CLTC: variants seen among roughly 807,000 people sequenced by gnomAD.
CLTC encodes clathrin heavy chain.
Under a neutral mutation model 195.8 loss-of-function variants are expected in CLTC, and 16 were observed. The ratio of observed to expected loss-of-function variants is 0.08; its 90% confidence interval spans 0.06 to 0.12. CLTC has a LOEUF of 0.12. CLTC is among the 10% of genes least tolerant of loss of function. The probability of loss-of-function intolerance (pLI) is 1.00; values close to 1 mark genes in which losing one functional copy is unlikely to be tolerated. For synonymous variants in CLTC, 667 were observed against 689.4 expected, an observed-to-expected ratio of 0.97 and a Z score of 0.51; for missense variants, 796 against 2,027.0, an observed-to-expected ratio of 0.39 and a Z score of 11.66.
Position 59,666,657 on chromosome 17 carries a change from CT to C in CLTC, c.1947+15del, listed in dbSNP as rs1436205388. 2.5e-6 allele frequency: 4 copies of C among 1,604,966 alleles called. No homozygotes were observed. The highest frequency in any genetic ancestry group is 3.4e-6 in the Non-Finnish European group (4 of 1,173,812). ...TCTTAACCCTGAGGTATTTCAGTTT[CT>C]TACCTAATAGATGGTGTTAGTTGTG... On this transcript the variant is annotated intron_variant, in intron 12 of 31. Transcript: ENST00000269122. This position sits in a 1 kb window ranked among gnomAD's most constrained non-coding sequence, Gnocchi z 4.9.
At chr17:59,637,393 C>G (rs1373227147) in intron 1 of CLTC, among the ~76,000 whole-genome samples, 1 of 151,102 alleles carries the variant, frequency 6.6e-6, no homozygotes, top group Admixed American at 6.6e-5. Flanking sequence ...TACAGGTGCC[C>G]GTCACCACAC....
chr17:59,683,360 T>C lies in CLTC; in HGVS notation c.4042-27T>C, dbSNP rs893971185. The C allele has an allele frequency of 5.0e-6, 8 of 1,605,342 alleles. No individual in the cohort carries two copies. The highest frequency in any genetic ancestry group is 6.8e-6 in the Non-Finnish European group (8 of 1,175,904). Reference sequence around the variant, plus strand: ...TAAGGCTGTTAGCTAGACTCATATCTAAAGCAATTAAGTCTTTCTTATGCA... The same window carrying C: ...TAAGGCTGTTAGCTAGACTCATATCCAAAGCAATTAAGTCTTTCTTATGCA... On this transcript the variant is annotated intron_variant, in intron 25 of 31. Transcript: ENST00000269122. This position sits in a 1 kb window ranked among gnomAD's most constrained non-coding sequence, Gnocchi z 6.1.
chr17:59,682,148 G>A lies in CLTC; in HGVS notation c.3443-123G>A, dbSNP rs1431505231. On this transcript the variant is annotated intron_variant, in intron 21 of 31. Coordinates refer to ENST00000269122, the MANE Select transcript of CLTC (RefSeq NM_004859.4). The surrounding 1 kb of genome is among the most constrained non-coding windows in gnomAD (Gnocchi z 6.8). ...ATAATACAGAAGTGAAATATTGCAC[G>A]GTTTACATTTGTCATTATCCATGTT... The A allele has an allele frequency of 8.9e-6, 8 of 902,528 alleles. No individual in the cohort carries two copies. The highest frequency in any genetic ancestry group is 1.3e-5 in the Non-Finnish European group (8 of 599,650). The allele number at this position is 902,528 out of a possible 1,614,324, so 55.9% of individuals were successfully genotyped here.
At chr17:59,677,686 T>C (rs1294181704) in intron 17 of CLTC, among the ~76,000 whole-genome samples, 6 of 152,216 alleles carry the variant, frequency 3.9e-5, no homozygotes, top group African/African-American at 1.4e-4. Flanking sequence ...TAGCAGTTTT[T>C]TCCCCTCTAG....
At chr17:59,644,840 C>T (rs1257780500) in intron 2 of CLTC, among the ~76,000 whole-genome samples, 1 of 152,164 alleles carries the variant, frequency 6.6e-6, no homozygotes, top group African/African-American at 2.4e-5. Flanking sequence ...CGTGAGCCAC[C>T]ACGCCCAGCC....
In CLTC at chr17:59,666,028, A is replaced by G. The variant is rs1188348593; in HGVS notation, c.1645-75A>G. ...CCAAATAAAATTCTCAGGTAAAGAA[A>G]GAGTTCATGCATAATTTTGTCTACA... On this transcript the variant is annotated intron_variant, in intron 10 of 31. Coordinates refer to ENST00000269122, the MANE Select transcript of CLTC (RefSeq NM_004859.4). This position sits in a 1 kb window ranked among gnomAD's most constrained non-coding sequence, Gnocchi z 4.9. 2 of 1,112,752 alleles carry G rather than the reference A, an allele frequency of 1.8e-6. No individual in the cohort carries two copies. Among genetic ancestry groups the G allele is most frequent in the Non-Finnish European group, 2.6e-6 (2 of 769,550 alleles). The allele number at this position is 1,112,752 out of a possible 1,614,324, so 68.9% of individuals were successfully genotyped here.
At chr17:59,623,365 C>T (rs1178978989) in intron 1 of CLTC, among the ~76,000 whole-genome samples, 1 of 152,180 alleles carries the variant, frequency 6.6e-6, no homozygotes, top group African/African-American at 2.4e-5. Context: ...CTGGGAATAG[C>T]TTCTAAGTTT....
intron 6 of CLTC, chr17:59,658,812 T>C (rs879492249): frequency 3.3e-5 from 5 of 152,156 alleles, no homozygotes; most frequent in Admixed American, 6.6e-5. Context: ...AAGGTAAGAT[T>C]TGAGTTAAGG....
intron 28 of CLTC, chr17:59,684,529 G>C (rs1468145641): frequency 1.3e-5 from 2 of 154,734 alleles, no homozygotes; most frequent in Non-Finnish European, 2.9e-5. Context: ...CTCCATGCCA[G>C]GCGTGGTGAC....
chr17:59,687,029 T>C (rs1176858066), intron 30 of CLTC: 6 of 987,866 alleles, frequency 6.1e-6, no homozygotes, highest in Non-Finnish European at 7.2e-6. Flanking sequence ...AAGGTGAAAG[T>C]TGATTCTTTA....
intron 1 of CLTC, among the ~76,000 whole-genome samples, chr17:59,643,813 A>T (rs927684314): frequency 1.3e-5 from 2 of 152,236 alleles, no homozygotes; most frequent in Non-Finnish European, 2.9e-5. Context: ...TGCTCTTGCT[A>T]TTCAAGTTCC....
At chr17:59,631,025 T>A (rs934814594) in intron 1 of CLTC, among the ~76,000 whole-genome samples, 1 of 152,212 alleles carries the variant, frequency 6.6e-6, no homozygotes, top group African/African-American at 2.4e-5. Context: ...CCACTAGAAA[T>A]ATATGAGAGT....
At position 59,655,910 on chromosome 17, in the gene CLTC, C is replaced by T; in HGVS notation, c.852C>T (p.Leu284=). ...FLITKYGYIH[L]YDLETGTCIY... ...TAACCAAGTATGGTTATATCCACCT[C>T]TATGATCTTGAGACTGGTACCTGCA... Residue 284 remains leucine (L), a synonymous_variant, in exon 6 of 32, where the codon CTC becomes CTT. Transcript: ENST00000269122. 6.2e-7 allele frequency: 1 copy of T among 1,611,492 alleles called. No homozygotes were observed. Among genetic ancestry groups the T allele is most frequent in the Non-Finnish European group, 8.5e-7 (1 of 1,179,252 alleles).
rs781369786 is a variant in CLTC, at chr17:59,647,483, A to G, written c.336A>G (p.Lys112=). The change falls in exon 3 of 32, where the codon AAA becomes AAG. Residue 112 remains lysine, a synonymous_variant. Coordinates refer to ENST00000269122, the MANE Select transcript of CLTC (RefSeq NM_004859.4). ...HTMTDDVTFW[K]WISLNTVALV... ...TGACTGATGATGTCACCTTTTGGAA[A>G]TGGATCTCTTTGAATACGGTTGCTC... The G allele has an allele frequency of 1.2e-6, 2 of 1,614,132 alleles. No individual in the cohort carries two copies. The highest frequency in any genetic ancestry group is 1.7e-6 in the Non-Finnish European group (2 of 1,179,992).
In CLTC at chr17:59,682,479, C is replaced by A; in HGVS notation, c.3600+51C>A. Reference sequence around the variant, plus strand: ...AAAACTAGTTGGGCTACTTGATTAGCTTGGTAGGATCAAAACATCATAACT... The same window carrying A: ...AAAACTAGTTGGGCTACTTGATTAGATTGGTAGGATCAAAACATCATAACT... On this transcript the variant is annotated intron_variant, in intron 22 of 31. Transcript: ENST00000269122. This position sits in a 1 kb window ranked among gnomAD's most constrained non-coding sequence, Gnocchi z 6.8. 6.2e-7 allele frequency: 1 copy of A among 1,605,436 alleles called. No individual in the cohort carries two copies. Among genetic ancestry groups the A allele is most frequent in the Non-Finnish European group, 8.5e-7 (1 of 1,173,864 alleles).
Position 59,666,528 on chromosome 17 carries a change from G to C in CLTC, c.1831G>C (p.Ala611Pro). The C allele has an allele frequency of 6.2e-7, 1 of 1,614,066 alleles. No homozygotes were observed. Among genetic ancestry groups the C allele is most frequent in the Non-Finnish European group, 8.5e-7 (1 of 1,180,006 alleles). ...TCAGATGTTCACACATTATGACCGG[G>C]CTCATATTGCTCAACTGTGTGAAAA... is the stretch of plus-strand genomic sequence containing the variant. ...GNQMFTHYDR[A>P]HIAQLCEKAG... The change falls in exon 12 of 32, where the codon GCT becomes CCT. Residue 611 changes from alanine (A) to proline (P), a missense_variant. This residue lies in a region of CLTC where 293 missense variants were observed against 795.6 expected (regional missense o/e 0.37). Transcript: ENST00000269122. This position sits in a 1 kb window ranked among gnomAD's most constrained non-coding sequence, Gnocchi z 4.9.
intron 30 of CLTC, chr17:59,689,061 T>G (rs1211312391): frequency 6.6e-6 from 1 of 152,164 alleles, no homozygotes; most frequent in African/African-American, 2.4e-5. Context: ...TTATACTACA[T>G]AATAGTCTTT....
intron 13 of CLTC, 127 bp from the exon 14 acceptor site, chr17:59,668,650 C>G: frequency 1.5e-6 from 1 of 666,858 alleles, no homozygotes; most frequent in Non-Finnish European, 2.4e-6. Flanking sequence ...GTATTTTTAT[C>G]GCGCTTTTTA....
intron 1 of CLTC, among the ~76,000 whole-genome samples, chr17:59,636,518 C>T (rs180738821): frequency 2.0e-5 from 3 of 152,014 alleles, no homozygotes; most frequent in East Asian, 3.9e-4. Context: ...TGCGGTGGCG[C>T]GATCTCAGCT....
Sources: allele counts gnomAD v4.1 joint callset (sites outside exome capture counted in the v4.1 genomes callset), GRCh38; gene constraint gnomAD v4.1.1; regional missense constraint gnomAD v4.1.1; non-coding constraint Gnocchi (gnomAD v3.1); transcripts MANE v1.5; gene names NCBI Gene and HGNC (gene_info 2026-07-23, HGNC 2026-07-21).